The following LAMA2 variants were observed in gnomAD, a reference collection of about 807,000 sequenced individuals.
LAMA2 encodes the protein laminin subunit alpha-2.
A neutral mutation model predicts 364.8 loss-of-function variants in LAMA2; 269 were observed. The ratio of observed to expected loss-of-function variants is 0.74; its 90% CI spans 0.67 to 0.82. The LOEUF is 0.82. Ranked by LOEUF, LAMA2 falls within the 40% of genes least tolerant of loss-of-function variation. The probability of loss-of-function intolerance (pLI) is 0.00; values close to 1 mark genes in which losing one functional copy is unlikely to be tolerated. For missense variants in LAMA2, 3,807 were observed against 3,873.2 expected, an observed-to-expected ratio of 0.98 and a Z score of 0.45; for synonymous variants, 1,379 against 1,370.6, an observed-to-expected ratio of 1.01 and a Z score of -0.14.
chr6:129,423,979 T>C (rs1045975179), intron 40 of LAMA2, among the ~76,000 whole-genome samples: 18 of 152,084 alleles, frequency 1.2e-4, no homozygotes, highest in African/African-American at 3.9e-4. Context: ...ACTTCAATAC[T>C]TACTACCAAG....
intron 58 of LAMA2, among the ~76,000 whole-genome samples, chr6:129,498,917 G>GTT (rs1436377264): frequency 6.6e-6 from 1 of 152,180 alleles, no homozygotes; most frequent in African/African-American, 2.4e-5. Context: ...CTGACCTGAA[G>GTT]TTAAATGAGT....
chr6:129,098,438 T>G, intron 4 of LAMA2, 23 bp downstream of exon 4: 1 of 1,613,302 alleles, frequency 6.2e-7, no homozygotes, highest in Non-Finnish European at 8.5e-7. Context: ...AACTCACCAT[T>G]TAAGCACATT....
intron 37 of LAMA2, among the ~76,000 whole-genome samples, chr6:129,400,945 T>C (rs1333567876): frequency 6.6e-6 from 1 of 152,234 alleles, no homozygotes; most frequent in African/African-American, 2.4e-5. Context: ...CCATCTTTCT[T>C]TAAAAGTAGT....
chr6:128,943,269 C>CACACAGAGAGAGAGAGAGAG (rs1365657711), intron 1 of LAMA2, among the ~76,000 whole-genome samples: 92 of 143,168 alleles, frequency 6.4e-4, no homozygotes, highest in African/African-American at 2.3e-3. Flanking sequence ...TATATATACA[C>CACACAGAGAGAGAGAGAGAG]AGAGAGAGAG....
chr6:129,200,537 A>AGT (rs200976751), intron 12 of LAMA2, among the ~76,000 whole-genome samples: 2 of 151,096 alleles, frequency 1.3e-5, no homozygotes, highest in Non-Finnish European at 3.0e-5. Flanking sequence ...TATATATGTG[A>AGT]GTGTGTGTAT....
chr6:129,208,561 AAAGAGAAAG>A (rs1782845459), intron 12 of LAMA2, among the ~76,000 whole-genome samples: 1 of 79,302 alleles, frequency 1.3e-5, no homozygotes, highest in African/African-American at 9.7e-5. Flanking sequence ...AGAAAGAAAG[AAAGAGAAAG>A]AAAGAGAAAG....
intron 12 of LAMA2, among the ~76,000 whole-genome samples, chr6:129,230,882 C>T (rs1314346322): frequency 6.6e-6 from 1 of 152,058 alleles, no homozygotes; most frequent in Non-Finnish European, 1.5e-5. Context: ...AGCGATTTCC[C>T]ATTGTCTCCC....
intron 3 of LAMA2, among the ~76,000 whole-genome samples, chr6:129,072,132 G>A (rs1202041311): frequency 6.6e-6 from 1 of 152,082 alleles, no homozygotes. Flanking sequence ...GGGTGACAGA[G>A]CTGGACATCA....
intron 29 of LAMA2, among the ~76,000 whole-genome samples, chr6:129,333,037 C>T (rs1415754641): frequency 6.6e-6 from 1 of 151,626 alleles, no homozygotes; most frequent in Non-Finnish European, 1.5e-5. Context: ...GGATTACAGG[C>T]ACCTGCCACC....
intron 4 of LAMA2, among the ~76,000 whole-genome samples, chr6:129,102,049 A>C (rs1270294356): frequency 6.6e-6 from 1 of 151,916 alleles, no homozygotes; most frequent in African/African-American, 2.4e-5. Flanking sequence ...TATTGCTATT[A>C]AAGTTATTCA....
intron 4 of LAMA2, among the ~76,000 whole-genome samples, chr6:129,122,792 A>G (rs1334712730): frequency 2.6e-5 from 4 of 152,184 alleles, no homozygotes; most frequent in African/African-American, 9.7e-5. Context: ...AGGCTCTGCC[A>G]CTTTCTAGCT....
chr6:129,083,196 T>C (rs939838076), intron 3 of LAMA2, among the ~76,000 whole-genome samples: 7 of 152,192 alleles, frequency 4.6e-5, no homozygotes, highest in Non-Finnish European at 1.0e-4. Context: ...CTGGATATTA[T>C]ATTGTGAACA....
At chr6:129,047,922 T>C (rs1447904583) in intron 1 of LAMA2, among the ~76,000 whole-genome samples, 2 of 152,192 alleles carry the variant, frequency 1.3e-5, no homozygotes, top group South Asian at 2.1e-4. Context: ...TCATAAAACA[T>C]TGTAGATGCC....
intron 12 of LAMA2, among the ~76,000 whole-genome samples, chr6:129,212,043 T>G (rs1009665236): frequency 6.6e-6 from 1 of 152,220 alleles, no homozygotes. Flanking sequence ...AATTTGAAAC[T>G]TACAAAAAGT....
At chr6:129,226,826 C>T (rs12111018) in intron 12 of LAMA2, among the ~76,000 whole-genome samples, 1,965 of 152,164 alleles carry the variant, frequency 0.013, 40 homozygotes, top group African/African-American at 0.045. Context: ...TTGCTCTTCT[C>T]GAGGAGTATC....
intron 41 of LAMA2, among the ~76,000 whole-genome samples, chr6:129,435,940 T>G (rs1248299329): frequency 6.6e-6 from 1 of 151,768 alleles, no homozygotes; most frequent in Non-Finnish European, 1.5e-5. Context: ...CTGAGAGGGG[T>G]GTGCACACAG....
intron 4 of LAMA2, among the ~76,000 whole-genome samples, chr6:129,143,334 T>C (rs953603767): frequency 6.6e-6 from 1 of 151,434 alleles, no homozygotes; most frequent in African/African-American, 2.4e-5. Context: ...AAAAAAAAAA[T>C]ACAGATAACG....
chr6:129,393,969 C>G (rs1244870307), intron 37 of LAMA2, among the ~76,000 whole-genome samples: 1 of 152,214 alleles, frequency 6.6e-6, no homozygotes, highest in Non-Finnish European at 1.5e-5. Context: ...CTTCTCAACT[C>G]AAGAAATTAT....
intron 1 of LAMA2, among the ~76,000 whole-genome samples, chr6:128,949,398 A>G (rs1456003857): frequency 1.3e-5 from 2 of 152,166 alleles, no homozygotes; most frequent in African/African-American, 4.8e-5. Flanking sequence ...AAGGAAGACT[A>G]TTTCAAATTG....
Sources: gnomAD v4.1 joint callset for allele counts (sites outside exome capture counted in the v4.1 genomes callset) on GRCh38, gnomAD v4.1.1 for gene constraint, MANE v1.5 for transcripts, NCBI Gene and HGNC (gene_info 2026-07-23, HGNC 2026-07-21) for gene names.